Variants in ZMYM2 observed in about 807,000 individuals in gnomAD.
ZMYM2 encodes the protein zinc finger MYM-type protein 2.
In ZMYM2, 56 loss-of-function variants were observed where a neutral mutation model predicts 162.8. The ratio of observed to expected loss-of-function variants is 0.34; its 90% confidence interval spans 0.28 to 0.43. The LOEUF is 0.43. ZMYM2 is among the 20% of genes least tolerant of loss of function. The pLI is 1.00. For missense variants in ZMYM2, 1,275 were observed against 1,621.8 expected (o/e 0.79, Z 3.67); for synonymous variants, 510 against 541.6 (o/e 0.94, Z 0.81).
At chr13:19,951,409 G>A in the ZMYM2 span, among the ~76,000 whole-genome samples, 1 of 151,372 alleles carries the variant, frequency 6.6e-6, no homozygotes, top group Non-Finnish European at 1.5e-5. Flanking sequence ...AGGCAAACGG[G>A]CCAGATGCGG....
chr13:19,958,139 GCGCGGTCGGGATTCCAGTTCACC>G (rs1954685953), upstream of ZMYM2, among the ~76,000 whole-genome samples: 1 of 151,458 alleles, frequency 6.6e-6, no homozygotes, highest in African/African-American at 2.4e-5. Context: ...ACTGCCCCCA[GCGCGGTCGGGATTCCAGTTCACC>G]CGCGGTCCCG....
chr13:19,966,889 T>C (rs1955839310), intron 2 of ZMYM2, among the ~76,000 whole-genome samples: 1 of 152,364 alleles, frequency 6.6e-6, no homozygotes, highest in African/African-American at 2.4e-5. Context: ...CTTATTATTG[T>C]ATAGTCCTGT....
the ZMYM2 span, among the ~76,000 whole-genome samples, chr13:19,872,957 G>A: frequency 1.3e-5 from 2 of 151,768 alleles, no homozygotes; most frequent in South Asian, 2.1e-4. Flanking sequence ...CCAAGATCAC[G>A]CCACTGCACT....
intron 16 of ZMYM2, among the ~76,000 whole-genome samples, chr13:20,060,207 G>A (rs1168836687): frequency 6.6e-6 from 1 of 152,146 alleles, no homozygotes; most frequent in African/African-American, 2.4e-5. Flanking sequence ...GTTTAATGAA[G>A]CTAATAAAAC....
chr13:20,058,040 A>G (rs2140715985), intron 14 of ZMYM2, among the ~76,000 whole-genome samples: 2 of 152,318 alleles, frequency 1.3e-5, no homozygotes, highest in Non-Finnish European at 1.5e-5. Flanking sequence ...CATCTGTAGA[A>G]TAGGTTTCAG....
At chr13:20,072,518 T>C (rs2140943629) in intron 21 of ZMYM2, among the ~76,000 whole-genome samples, 1 of 152,208 alleles carries the variant, frequency 6.6e-6, no homozygotes, top group South Asian at 2.1e-4. Context: ...CAAAACTCCA[T>C]CTCAAAAATA....
Position 20,047,273 on chromosome 13 carries a change from A to G in ZMYM2, c.2293-4160A>G, listed in dbSNP as rs575714647. Reference sequence around the variant, plus strand: ...TACTTGAGTCAGACTGTATTTTCTTATACCCCCCCATGCATTCCTTCTATT... The same window carrying G: ...TACTTGAGTCAGACTGTATTTTCTTGTACCCCCCCATGCATTCCTTCTATT... On this transcript the variant is annotated intron_variant, in intron 12 of 24. Coordinates refer to ENST00000610343, the MANE Select transcript of ZMYM2 (RefSeq NM_197968.4). Among the ~76,000 whole-genome samples the G allele has an allele frequency of 3.9e-5, 6 of 152,262 alleles. No individual in the cohort carries two copies. The South Asian group carries it at 1.2e-3, about 31-fold the overall frequency.
the ZMYM2 span, among the ~76,000 whole-genome samples, chr13:19,896,033 A>ATTTT: frequency 1.7e-3 from 254 of 147,340 alleles, 1 homozygote; most frequent in East Asian, 6.5e-3. Context: ...TTCTGATTCC[A>ATTTT]TTTTTTTTTT....
chr13:19,958,118 G>A (rs1954683606), upstream of ZMYM2, among the ~76,000 whole-genome samples: 1 of 152,216 alleles, frequency 6.6e-6, no homozygotes, highest in Non-Finnish European at 1.5e-5. Context: ...GGCGAGGGTG[G>A]AAGGGCCTCC....
chr13:20,021,234 C>G (rs967572145), intron 7 of ZMYM2, among the ~76,000 whole-genome samples: 1 of 152,054 alleles, frequency 6.6e-6, no homozygotes, highest in Non-Finnish European at 1.5e-5. Context: ...CTCGGCCTCC[C>G]AAAGTGCTGG....
chr13:20,036,010 G>A (rs879775080), intron 11 of ZMYM2, among the ~76,000 whole-genome samples: 4 of 152,044 alleles, frequency 2.6e-5, no homozygotes, highest in Non-Finnish European at 4.4e-5. Flanking sequence ...TAGGTTGATC[G>A]TGGGCAGCAT....
chr13:19,970,377 C>T (rs1050333632), intron 2 of ZMYM2, among the ~76,000 whole-genome samples: 1 of 152,052 alleles, frequency 6.6e-6, no homozygotes, highest in Non-Finnish European at 1.5e-5. Flanking sequence ...ATGTTACTAA[C>T]TGTAATTACG....
chr13:19,894,997 A>C, the ZMYM2 span, among the ~76,000 whole-genome samples: 3 of 146,756 alleles, frequency 2.0e-5, no homozygotes, highest in African/African-American at 5.0e-5. Context: ...GAATCACTTG[A>C]TACCAAGGGG....
At chr13:20,009,265 G>A (rs1346261016) in intron 6 of ZMYM2, among the ~76,000 whole-genome samples, 1 of 152,136 alleles carries the variant, frequency 6.6e-6, no homozygotes, top group Non-Finnish European at 1.5e-5. Flanking sequence ...AATTATTAAA[G>A]TACTACCCCA....
intron 18 of ZMYM2, among the ~76,000 whole-genome samples, chr13:20,064,187 A>G (rs946709781): frequency 3.3e-5 from 5 of 151,964 alleles, no homozygotes; most frequent in African/African-American, 1.2e-4. Context: ...TGGATTTCAG[A>G]CTATAATAAT....
chr13:19,941,922 T>C, the ZMYM2 span, among the ~76,000 whole-genome samples: 1 of 151,810 alleles, frequency 6.6e-6, no homozygotes, highest in East Asian at 1.9e-4. Context: ...AATTTATTTA[T>C]TTTTTGTAGA....
At chr13:20,044,405 G>A (rs1478470877) in intron 12 of ZMYM2, among the ~76,000 whole-genome samples, 2 of 152,174 alleles carry the variant, frequency 1.3e-5, no homozygotes, top group East Asian at 3.9e-4. Flanking sequence ...GTAGCCCCAT[G>A]CAGCGTTCCC....
At position 20,020,487 on chromosome 13, in the gene ZMYM2, G is replaced by A. The variant is rs369812051; in HGVS notation, c.1584+869G>A. Among the ~76,000 whole-genome samples the A allele has an allele frequency of 2.0e-5, 3 of 152,156 alleles. No individual in the cohort carries two copies. In the South Asian group the frequency reaches 6.2e-4, roughly 32 times the overall value. Reference sequence around the variant, plus strand: ...TGATCCACCTGCCTCGGCCTCCCAAGTGTTGGCGTTACAGGCGTGAGCCAC... The same window carrying A: ...TGATCCACCTGCCTCGGCCTCCCAAATGTTGGCGTTACAGGCGTGAGCCAC... On this transcript the variant is annotated intron_variant, in intron 7 of 24. Coordinates refer to ENST00000610343, the MANE Select transcript of ZMYM2 (RefSeq NM_197968.4).
chr13:19,999,838 C>G (rs1218843656), intron 3 of ZMYM2, among the ~76,000 whole-genome samples: 1 of 152,192 alleles, frequency 6.6e-6, no homozygotes, highest in Non-Finnish European at 1.5e-5. Context: ...CTCACTCTTA[C>G]CCAGTCTGGA....
Sources: gnomAD v4.1 joint callset for allele counts (sites outside exome capture counted in the v4.1 genomes callset) on GRCh38, gnomAD v4.1.1 for gene constraint, MANE v1.5 for transcripts, NCBI Gene and HGNC (gene_info 2026-07-23, HGNC 2026-07-21) for gene names.